The following BMP5 variants were observed in gnomAD, a reference collection of about 807,000 sequenced individuals.
The protein encoded by BMP5 is bone morphogenetic protein 5.
BMP5 carries 23 observed loss-of-function variants against 46.6 expected under a neutral mutation model. The ratio of observed to expected loss-of-function variants is 0.49; its 90% CI spans 0.35 to 0.70. The LOEUF (loss-of-function observed/expected upper bound fraction) is 0.70. Ranked by LOEUF, BMP5 falls within the 30% of genes least tolerant of loss-of-function variation. The probability of loss-of-function intolerance (pLI) is 0.00; values close to 1 mark genes in which losing one functional copy is unlikely to be tolerated. For missense variants in BMP5, 545 were observed against 565.6 expected (o/e 0.96, Z 0.37); for synonymous variants, 204 against 191.9 (o/e 1.06, Z -0.52).
chr6:55,788,736 G>A (rs927150133), intron 3 of BMP5, among the ~76,000 whole-genome samples: 3 of 151,690 alleles, frequency 2.0e-5, no homozygotes, highest in Admixed American at 2.0e-4. Flanking sequence ...TGGCTAGAAT[G>A]GTAAGTATTT....
intron 3 of BMP5, among the ~76,000 whole-genome samples, chr6:55,778,707 G>A (rs1253690856): frequency 6.6e-6 from 1 of 152,086 alleles, no homozygotes; most frequent in East Asian, 1.9e-4. Context: ...TTATTTTACA[G>A]TTTTATTAAC....
At chr6:55,776,950 T>C (rs1413476319) in intron 3 of BMP5, among the ~76,000 whole-genome samples, 1 of 151,908 alleles carries the variant, frequency 6.6e-6, no homozygotes, top group Non-Finnish European at 1.5e-5. Context: ...GTTTCTTGGG[T>C]TTTACAAAGG....
intron 1 of BMP5, chr6:55,865,396 G>C (rs752918842): frequency 2.0e-5 from 10 of 504,030 alleles, no homozygotes; most frequent in Middle Eastern, 3.2e-4. Flanking sequence ...AATAGTTCTA[G>C]GACTCTGACC....
At chr6:55,801,209 C>T (rs1001564158) in intron 2 of BMP5, among the ~76,000 whole-genome samples, 8 of 152,168 alleles carry the variant, frequency 5.3e-5, no homozygotes, top group South Asian at 2.1e-4. Context: ...AAGGTGGCAG[C>T]GAAGCAGTAG....
intron 3 of BMP5, among the ~76,000 whole-genome samples, chr6:55,784,113 C>T (rs1292247399): frequency 2.0e-5 from 3 of 151,784 alleles, no homozygotes; most frequent in Non-Finnish European, 4.4e-5. Flanking sequence ...CTAAGACTTC[C>T]GAATTAAGTT....
At chr6:55,770,380 T>C (rs1299359531) in intron 4 of BMP5, among the ~76,000 whole-genome samples, 1 of 151,966 alleles carries the variant, frequency 6.6e-6, no homozygotes, top group Non-Finnish European at 1.5e-5. Flanking sequence ...CTTTCAGACT[T>C]TTCTTCTGCA....
Position 55,755,232 on chromosome 6 carries a change from A to C in BMP5, c.*301T>G, listed in dbSNP as rs776153061. 2 of 199,848 alleles carry C rather than the reference A, an allele frequency of 1.0e-5. No individual in the cohort carries two copies. Among genetic ancestry groups the C allele is most frequent in the East Asian group, 2.4e-4 (2 of 8,500 alleles). 12.4% of individuals were successfully genotyped at this position (199,848 alleles called of 1,614,324 possible). Reference sequence around the variant, plus strand: ...TCAGAAAATTATGTAAAATTGTATTAGAAAAAAATGTTGAAATGGAATTGA... The same window carrying C: ...TCAGAAAATTATGTAAAATTGTATTCGAAAAAAATGTTGAAATGGAATTGA... On this transcript the variant is annotated 3_prime_UTR_variant, in exon 7 of 7. Transcript: ENST00000370830.
At position 55,780,456 on chromosome 6, in the gene BMP5, T is replaced by TA. The variant is rs369703099; in HGVS notation, c.833-6214dup. On this transcript the variant is annotated intron_variant, in intron 3 of 6. Transcript: ENST00000370830. ...TAACACAGTGAAACCCCATCACTAC[T>TA]AAAAAAAAAAAAAAAAAGAAAGAAA... Among the ~76,000 whole-genome samples the TA allele has an allele frequency of 7.9e-4, 49 of 61,982 alleles. 1 individual carries two copies. The highest frequency in any genetic ancestry group is 5.2e-3 in the South Asian group (8 of 1,526). The allele number at this position is 61,982 out of a possible 152,430, so 40.7% of individuals were successfully genotyped here. A position where few individuals can be genotyped will look rare whatever the true frequency, so the allele number is the denominator to read the frequency against.
intron 3 of BMP5, among the ~76,000 whole-genome samples, chr6:55,793,640 T>G (rs980960581): frequency 1.3e-5 from 2 of 152,188 alleles, no homozygotes; most frequent in Non-Finnish European, 2.9e-5. Context: ...CTGGACCTTC[T>G]TAAAAGTGAA....
intron 1 of BMP5, among the ~76,000 whole-genome samples, chr6:55,837,214 A>C (rs959279228): frequency 1.3e-5 from 2 of 152,018 alleles, no homozygotes; most frequent in African/African-American, 4.8e-5. Context: ...ACCACAGAGC[A>C]TTTTTTCTTT....
intron 1 of BMP5, among the ~76,000 whole-genome samples, chr6:55,825,563 T>G (rs1214856372): frequency 2.0e-5 from 3 of 151,802 alleles, no homozygotes; most frequent in African/African-American, 7.2e-5. Context: ...AGACTTTTAT[T>G]GTTGAGATAC....
Position 55,785,760 on chromosome 6 carries a change from A to AT in BMP5, c.832+8518dup, listed in dbSNP as rs547096318. ...CTTGATTTCTTGCAAAAAAAAAAAA[A>AT]TTTTTTCAGAAAGTAACACATGGCC... On this transcript the variant is annotated intron_variant, in intron 3 of 6. Transcript: ENST00000370830. 2.0e-5 allele frequency among the ~76,000 whole-genome samples: 3 copies of AT among 148,474 alleles called. No homozygotes were observed. In the South Asian group the frequency reaches 6.3e-4, roughly 31 times the overall value.
At position 55,829,735 on chromosome 6, in the gene BMP5, T is replaced by C. The variant is rs183288503; in HGVS notation, c.491-9888A>G. Among the ~76,000 whole-genome samples the C allele has an allele frequency of 2.7e-3, 406 of 152,058 alleles. 4 individuals are homozygous for C. Among genetic ancestry groups the C allele is most frequent in the Non-Finnish European group, 2.4e-4 (16 of 67,888 alleles). Reference sequence around the variant, plus strand: ...TGCAAAAAAAATAACATTTATCTTATGGTTATTATCAGAATTGTATTAAAG... The same window carrying C: ...TGCAAAAAAAATAACATTTATCTTACGGTTATTATCAGAATTGTATTAAAG... On this transcript the variant is annotated intron_variant, in intron 1 of 6. Coordinates refer to ENST00000370830, the MANE Select transcript of BMP5 (RefSeq NM_021073.4).
chr6:55,860,248 T>C (rs1412783424), intron 1 of BMP5, among the ~76,000 whole-genome samples: 1 of 152,174 alleles, frequency 6.6e-6, no homozygotes, highest in Admixed American at 6.5e-5. Flanking sequence ...ACCTCCAGCC[T>C]GGGTAACAGA....
chr6:55,836,228 T>G (rs1776790436), intron 1 of BMP5, among the ~76,000 whole-genome samples: 1 of 152,168 alleles, frequency 6.6e-6, no homozygotes, highest in Non-Finnish European at 1.5e-5. Context: ...CATTGTTTTA[T>G]TAAGTACTAT....
intron 1 of BMP5, among the ~76,000 whole-genome samples, chr6:55,840,857 G>C (rs1164480198): frequency 6.6e-6 from 1 of 152,140 alleles, no homozygotes; most frequent in Non-Finnish European, 1.5e-5. Context: ...TCGTAGTATA[G>C]TTCTCCTTAG....
chr6:55,774,299 T>C, intron 3 of BMP5, 56 bp from the exon 4 acceptor site: 1 of 1,516,596 alleles, frequency 6.6e-7, no homozygotes, highest in Non-Finnish European at 9.1e-7. Flanking sequence ...AATTACCTGA[T>C]GTGAATGAAT....
chr6:55,813,409 T>C (rs974572207), intron 2 of BMP5, among the ~76,000 whole-genome samples: 5 of 151,906 alleles, frequency 3.3e-5, no homozygotes, highest in African/African-American at 9.7e-5. Flanking sequence ...TTTAAAATAG[T>C]ATAATAATGT....
intron 3 of BMP5, among the ~76,000 whole-genome samples, chr6:55,787,943 G>C (rs1775487057): frequency 1.3e-5 from 2 of 151,436 alleles, no homozygotes; most frequent in Admixed American, 6.6e-5. Context: ...GATTTTATAT[G>C]GTTTGGTATA....
Sources: allele counts gnomAD v4.1 joint callset (sites outside exome capture counted in the v4.1 genomes callset), GRCh38; gene constraint gnomAD v4.1.1; transcripts MANE v1.5; gene names NCBI Gene and HGNC (gene_info 2026-07-23, HGNC 2026-07-21).